Variants in DOCK2 observed in about 807,000 individuals in gnomAD.
The protein encoded by DOCK2 is dedicator of cytokinesis protein 2.
In DOCK2, 87 loss-of-function variants were observed where a neutral mutation model predicts 248.9. That is an observed-to-expected ratio of 0.35 (90% confidence interval 0.29 to 0.42). DOCK2 has a LOEUF of 0.42. Among genes scored for constraint, DOCK2 ranks in the 10% least tolerant of loss-of-function variants. The pLI is 1.00. For missense variants in DOCK2, 1,747 were observed against 2,300.2 expected, an observed-to-expected ratio of 0.76 and a Z score of 4.92; for synonymous variants, 805 against 821.6, an observed-to-expected ratio of 0.98 and a Z score of 0.35.
intron 7 of DOCK2, among the ~76,000 whole-genome samples, chr5:169,682,336 C>T (rs1230217772): frequency 1.3e-5 from 2 of 152,352 alleles, no homozygotes; most frequent in Admixed American, 6.5e-5. Flanking sequence ...CTGGGATGAT[C>T]TGGGACAGGG....
intron 27 of DOCK2, among the ~76,000 whole-genome samples, chr5:169,885,070 A>C (rs1222573158): frequency 1.3e-5 from 2 of 152,154 alleles, no homozygotes; most frequent in African/African-American, 4.8e-5. Flanking sequence ...CCTGTTCATC[A>C]GTCAAGTCCC....
intron 5 of DOCK2, among the ~76,000 whole-genome samples, chr5:169,673,168 A>G (rs1055694961): frequency 2.2e-4 from 34 of 151,646 alleles, no homozygotes; most frequent in African/African-American, 7.5e-4. Flanking sequence ...CAACCCTCTA[A>G]TCATGTGATT....
chr5:169,944,466 C>T (rs781397129), intron 27 of DOCK2, among the ~76,000 whole-genome samples: 14 of 152,272 alleles, frequency 9.2e-5, no homozygotes, highest in East Asian at 3.9e-4. Flanking sequence ...CTGAAGGAGG[C>T]AGGAGATTTG....
At chr5:169,921,401 C>T (rs1775167919) in intron 27 of DOCK2, among the ~76,000 whole-genome samples, 1 of 152,112 alleles carries the variant, frequency 6.6e-6, no homozygotes, top group Non-Finnish European at 1.5e-5. Flanking sequence ...ATCGATGAGT[C>T]TAGATTTTTG....
rs941675192 is a variant in DOCK2 at position 169,745,996 on chromosome 5, G to C, written c.2268-1400G>C. ...CCACTTCAACACTCCTTGTCTCTGT[G>C]ACCTTGAGCTGGACCCAGAAGGTCA... On this transcript the variant is annotated intron_variant, in intron 22 of 51. Coordinates refer to ENST00000520908, the MANE Select transcript of DOCK2 (RefSeq NM_004946.3). 6.6e-5 allele frequency among the ~76,000 whole-genome samples: 10 copies of C among 152,306 alleles called. No homozygotes were observed. The East Asian group carries it at 1.7e-3, about 26-fold the overall frequency.
intron 22 of DOCK2, among the ~76,000 whole-genome samples, chr5:169,735,867 T>G (rs1744986021): frequency 6.6e-6 from 1 of 150,456 alleles, no homozygotes; most frequent in South Asian, 2.1e-4. Flanking sequence ...GAAGCATGGC[T>G]GGGAGGCTTC....
Position 169,955,954 on chromosome 5 carries a change from G to T in DOCK2, c.2800-27114G>T, listed in dbSNP as rs373616851. Among the ~76,000 whole-genome samples, 20 of 152,184 alleles carry T rather than the reference G, an allele frequency of 1.3e-4. 1 individual carries two copies. The highest frequency in any genetic ancestry group is 7.8e-4 in the Admixed American group (12 of 15,290). ...TTGGGCAACTAATGTGCCTAAGCCT[G>T]GGTCATGAGAGTCCTAAAAAGGAAC... is the stretch of plus-strand genomic sequence containing the variant. On this transcript the variant is annotated intron_variant, in intron 27 of 51. Coordinates refer to ENST00000520908, the MANE Select transcript of DOCK2 (RefSeq NM_004946.3).
rs530606755 is a variant in DOCK2 at position 169,773,860 on chromosome 5, G to A, written c.2554+12235G>A. On this transcript the variant is annotated intron_variant, in intron 25 of 51. Coordinates refer to ENST00000520908, the MANE Select transcript of DOCK2 (RefSeq NM_004946.3). ...TCTCATGGTAGTGAATAAGTCTCAC[G>A]AGATCTGATGGTTTTATAAGGGGAA... 3.3e-5 allele frequency among the ~76,000 whole-genome samples: 5 copies of A among 152,204 alleles called. No homozygotes were observed. In the East Asian group the frequency reaches 5.8e-4, roughly 18 times the overall value.
chr5:169,956,926 G>A (rs1416709686), intron 27 of DOCK2, among the ~76,000 whole-genome samples: 1 of 152,040 alleles, frequency 6.6e-6, no homozygotes, highest in African/African-American at 2.4e-5. Flanking sequence ...TCCCTGGAGG[G>A]CCTGCAGAGC....
intron 8 of DOCK2, among the ~76,000 whole-genome samples, chr5:169,687,372 A>AT (rs1199119045): frequency 2.0e-5 from 3 of 152,014 alleles, no homozygotes; most frequent in Non-Finnish European, 4.4e-5. Context: ...GACTGTGTTC[A>AT]TTTTTGCTAT....
chr5:170,055,494 T>C, intron 42 of DOCK2, 108 bp downstream of exon 42: 1 of 1,002,216 alleles, frequency 1.0e-6, no homozygotes, highest in Non-Finnish European at 1.5e-6. Context: ...GTTCCTTCTC[T>C]ATCTTAGCCA....
At chr5:169,978,386 TG>T (rs1777797740) in intron 27 of DOCK2, among the ~76,000 whole-genome samples, 2 of 16,720 alleles carry the variant, frequency 1.2e-4, no homozygotes, top group African/African-American at 4.8e-4. Context: ...TGTGTGTGTG[TG>T]TGTGTGGGGG....
rs111501977 is a variant in DOCK2, at chr5:169,720,998, A to G, written c.2267+2207A>G. ...CGGCCTCCCAAAGTGCTGGGATTAC[A>G]GGCGTGAGCCACTGCGCCCAGCCAG... On this transcript the variant is annotated intron_variant, in intron 22 of 51. Transcript: ENST00000520908. Among the ~76,000 whole-genome samples the G allele has an allele frequency of 9.2e-3, 1,394 of 152,336 alleles. 30 individuals are homozygous for G. The highest frequency in any genetic ancestry group is 0.032 in the African/African-American group (1,313 of 41,566).
intron 22 of DOCK2, among the ~76,000 whole-genome samples, chr5:169,722,027 A>G (rs990244004): frequency 1.3e-5 from 2 of 152,142 alleles, no homozygotes; most frequent in African/African-American, 4.8e-5. Flanking sequence ...AGTAATTCCT[A>G]AATTATAGGA....
At chr5:169,874,169 T>G (rs985562319) in intron 27 of DOCK2, among the ~76,000 whole-genome samples, 2 of 152,052 alleles carry the variant, frequency 1.3e-5, no homozygotes, top group African/African-American at 4.8e-5. Context: ...TCCCAACACT[T>G]TGGGAGGCCA....
At chr5:169,919,430 A>G (rs1265349143) in intron 27 of DOCK2, among the ~76,000 whole-genome samples, 1 of 152,174 alleles carries the variant, frequency 6.6e-6, no homozygotes, top group African/African-American at 2.4e-5. Context: ...CTCCCCTTAA[A>G]TCCCCAACTA....
At chr5:170,036,414 A>G (rs1239979422) in intron 35 of DOCK2, 101 bp from the exon 36 acceptor site, 1 of 1,231,206 alleles carries the variant, frequency 8.1e-7, no homozygotes, top group African/African-American at 1.5e-5. Flanking sequence ...GGGTACCCAG[A>G]TACTAGACAG....
chr5:169,708,224 T>C lies in DOCK2; in HGVS notation c.1439T>C (p.Val480Ala). 6.2e-7 allele frequency: 1 copy of C among 1,614,010 alleles called. No homozygotes were observed. The highest frequency in any genetic ancestry group is 8.5e-7 in the Non-Finnish European group (1 of 1,179,948). The change falls in exon 15 of 52, where the codon GTG (valine) becomes GCG (alanine). Residue 480 changes from valine (V) to alanine (A), a missense_variant. Physicochemically the swap from Val to Ala is moderately conservative, Grantham distance 64 (BLOSUM62 0). Coordinates refer to ENST00000520908, the MANE Select transcript of DOCK2 (RefSeq NM_004946.3). ...DKPMNEYRSV[V>A]YYQVKQPRWM... ...CCCATGAATGAGTATCGCTCCGTTG[T>C]GTACTATCAAGTCAAACAGCCACGC...
At chr5:169,803,351 C>A (rs1222833318) in intron 26 of DOCK2, 145 bp downstream of exon 26, 1 of 1,057,216 alleles carries the variant, frequency 9.5e-7, no homozygotes, top group Non-Finnish European at 1.3e-6. Flanking sequence ...TTTCCTGTGA[C>A]TAACCCCCAT....
Sources: allele counts gnomAD v4.1 joint callset (sites outside exome capture counted in the v4.1 genomes callset), GRCh38; gene constraint gnomAD v4.1.1; transcripts MANE v1.5; gene names NCBI Gene and HGNC (gene_info 2026-07-23, HGNC 2026-07-21).